The following XRCC5 variants were observed in gnomAD, a reference collection of about 807,000 sequenced individuals.
XRCC5 encodes the protein DNA repair protein Ku80.
XRCC5 carries 12 observed loss-of-function variants against 95.7 expected under a neutral mutation model. The observed-to-expected ratio is 0.13, with a 90% confidence interval of 0.08 to 0.20. XRCC5 has a LOEUF of 0.20. Among genes scored for constraint, XRCC5 ranks in the 10% least tolerant of loss-of-function variants. XRCC5 has a pLI of 1.00. For synonymous variants in XRCC5, 281 were observed against 290.3 expected (o/e 0.97, Z 0.33); for missense variants, 595 against 873.9 (o/e 0.68, Z 4.02).
At chr2:216,127,165 G>A (rs183308037) in intron 7 of XRCC5, among the ~76,000 whole-genome samples, 42 of 152,168 alleles carry the variant, frequency 2.8e-4, no homozygotes, top group Admixed American at 2.4e-3. Context: ...ACTTAATCCC[G>A]GGAGGCGGAG....
Position 216,175,749 on chromosome 2 carries a change from A to G in XRCC5, c.1834+13701A>G. On this transcript the variant is annotated intron_variant, in intron 16 of 20. Transcript: ENST00000392132. ...ATCAACCTTGTGTGGTCAAGCACAC[A>G]TTGCTGTGTCCACCTCTTCAACACA... 4.4e-6 allele frequency: 2 copies of G among 452,758 alleles called. 1 individual carries two copies. Among genetic ancestry groups the G allele is most frequent in the South Asian group, 3.5e-5 (2 of 56,782 alleles). The allele number at this position is 452,758 out of a possible 1,614,324, so 28.0% of individuals were successfully genotyped here.
intron 16 of XRCC5, chr2:216,175,929 G>A (rs1174168979): frequency 3.1e-5 from 12 of 381,562 alleles, no homozygotes; most frequent in East Asian, 2.5e-4. Flanking sequence ...TTTCTCAGCC[G>A]CGCTGGATTC....
rs1430772684 is a variant in XRCC5 at position 216,116,849 on chromosome 2, T to C, written c.319+7T>C. Reference sequence around the variant, plus strand: ...GGTTCTCAACAGGCTGACTGTATCCTTTTTCTGCCAGAGAAGACTTTAAGA... The same window carrying C: ...GGTTCTCAACAGGCTGACTGTATCCCTTTTCTGCCAGAGAAGACTTTAAGA... On this transcript the variant is annotated splice_region_variant and intron_variant, in intron 3 of 20. Transcript: ENST00000392132. 1 of 1,609,986 alleles carries C rather than the reference T, an allele frequency of 6.2e-7. No homozygotes were observed. The highest frequency in any genetic ancestry group is 8.5e-7 in the Non-Finnish European group (1 of 1,177,174).
At chr2:216,177,973 G>T (rs757946690) in intron 16 of XRCC5, among the ~76,000 whole-genome samples, 62 of 152,172 alleles carry the variant, frequency 4.1e-4, no homozygotes, top group Admixed American at 5.9e-4. Context: ...ATCTGCTTCA[G>T]ATTTCCTGAG....
intron 10 of XRCC5, among the ~76,000 whole-genome samples, chr2:216,136,123 G>A (rs1293834462): frequency 2.0e-5 from 3 of 152,066 alleles, no homozygotes; most frequent in East Asian, 3.9e-4. Context: ...TTGGGAGGCC[G>A]AGGCAGGCGG....
chr2:216,120,205 C>G (rs999599361), intron 5 of XRCC5, among the ~76,000 whole-genome samples: 8 of 152,288 alleles, frequency 5.3e-5, no homozygotes, highest in Middle Eastern at 3.4e-3. Flanking sequence ...ACACTTCTTA[C>G]TGAGTTGAGG....
intron 1 of XRCC5, chr2:216,111,353 C>T (rs1028095940): frequency 4.5e-6 from 2 of 446,836 alleles, no homozygotes; most frequent in African/African-American, 4.0e-5. Flanking sequence ...GAGACCCCAA[C>T]TCTACAAAAA....
chr2:216,182,995 T>C (rs1689416989), intron 16 of XRCC5, among the ~76,000 whole-genome samples: 1 of 152,218 alleles, frequency 6.6e-6, no homozygotes, highest in Admixed American at 6.5e-5. Context: ...ACCCAAGCTA[T>C]TTAAGAAGAG....
chr2:216,187,466 C>CTGTGTGTGTGTGTGTG (rs140171958), intron 16 of XRCC5, among the ~76,000 whole-genome samples: 7 of 111,380 alleles, frequency 6.3e-5, no homozygotes, highest in African/African-American at 1.3e-4. Flanking sequence ...AAGATAGCAA[C>CTGTGTGTGTGTGTGTG]TGTGTGTGTG....
intron 14 of XRCC5, chr2:216,156,484 A>G: frequency 1.5e-6 from 1 of 656,446 alleles, no homozygotes; most frequent in South Asian, 1.4e-5. Flanking sequence ...AGCCTCATCG[A>G]TGCTGACGCA....
chr2:216,162,867 C>T (rs1688978841), intron 16 of XRCC5, among the ~76,000 whole-genome samples: 2 of 152,104 alleles, frequency 1.3e-5, no homozygotes, highest in Admixed American at 1.3e-4. Context: ...TAGGCTGTGG[C>T]TAACATAAAA....
rs1425969906 is a variant in XRCC5, at chr2:216,156,587, T to C, written c.1671-3481T>C. Reference sequence around the variant, plus strand: ...AGCTTTCCCATGGTACTCACGAACTTGTGCCAGTAGAAGACCTGGACTTAA... The same window carrying C: ...AGCTTTCCCATGGTACTCACGAACTCGTGCCAGTAGAAGACCTGGACTTAA... On this transcript the variant is annotated intron_variant, in intron 14 of 20. Transcript: ENST00000392132. The C allele has an allele frequency of 8.6e-6, 5 of 583,204 alleles. No homozygotes were observed. The African/African-American group carries it at 9.4e-5, about 11-fold the overall frequency. 36.1% of individuals were successfully genotyped at this position (583,204 alleles called of 1,614,324 possible).
At chr2:216,193,379 A>G (rs1559263242) in intron 18 of XRCC5, among the ~76,000 whole-genome samples, 1 of 152,206 alleles carries the variant, frequency 6.6e-6, no homozygotes, top group Admixed American at 6.5e-5. Context: ...TACTTGTTTA[A>G]AATACATATT....
intron 15 of XRCC5, among the ~76,000 whole-genome samples, chr2:216,161,579 T>C (rs1420882645): frequency 1.3e-5 from 2 of 152,234 alleles, no homozygotes; most frequent in East Asian, 1.9e-4. Context: ...TCTCATGTTA[T>C]CTTAGTGGGG....
chr2:216,152,401 A>G (rs1307166080), intron 14 of XRCC5, among the ~76,000 whole-genome samples: 1 of 151,964 alleles, frequency 6.6e-6, no homozygotes. Flanking sequence ...AGATCACACC[A>G]TTACACTCCA....
At chr2:216,177,670 C>A (rs1188176683) in intron 16 of XRCC5, among the ~76,000 whole-genome samples, 1 of 152,104 alleles carries the variant, frequency 6.6e-6, no homozygotes, top group South Asian at 2.1e-4. Flanking sequence ...TACATCAAGT[C>A]TTAGTTCAAT....
intron 14 of XRCC5, among the ~76,000 whole-genome samples, chr2:216,159,205 C>T (rs1454876973): frequency 6.6e-6 from 1 of 152,134 alleles, no homozygotes; most frequent in African/African-American, 2.4e-5. Context: ...TTTCTGATGG[C>T]TGCTTTTGCC....
Position 216,190,279 on chromosome 2 carries a change from C to T in XRCC5, c.1889C>T (p.Pro630Leu), listed in dbSNP as rs751167067. ...CAGTTTTTGGATACTAATGAAACAC[C>T]GTATTTTATGAAGAGCATAGACTGC... is the stretch of plus-strand genomic sequence containing the variant. The part of the protein sequence containing the change: ...IEQFLDTNET[P>L]YFMKSIDCIR... The change falls in exon 17 of 21, where the codon CCG becomes CTG. Residue 630 changes from proline to leucine, a missense_variant. Transcript: ENST00000392132. 20 of 1,613,798 alleles carry T rather than the reference C, an allele frequency of 1.2e-5. No individual in the cohort carries two copies. Among genetic ancestry groups the T allele is most frequent in the African/African-American group, 9.3e-5 (7 of 74,886 alleles).
intron 16 of XRCC5, among the ~76,000 whole-genome samples, chr2:216,165,742 C>T (rs760133980): frequency 3.9e-5 from 6 of 152,134 alleles, no homozygotes; most frequent in Non-Finnish European, 2.9e-5. Context: ...GTCAAAAGGG[C>T]GATCAGCGAT....
Sources: allele counts gnomAD v4.1 joint callset (sites outside exome capture counted in the v4.1 genomes callset), GRCh38; gene constraint gnomAD v4.1.1; transcripts MANE v1.5; gene names NCBI Gene and HGNC (gene_info 2026-07-23, HGNC 2026-07-21).